PEBP4: variants seen among roughly 807,000 people sequenced by gnomAD.
PEBP4 encodes the protein phosphatidylethanolamine-binding protein 4.
A neutral mutation model predicts 23.9 loss-of-function variants in PEBP4; 22 were observed. The observed-to-expected ratio is 0.92, with a 90% CI of 0.66 to 1.31. The LOEUF (loss-of-function observed/expected upper bound fraction) is 1.31. PEBP4 is among the 40% of genes most tolerant of loss of function. The pLI is 0.00. For synonymous variants in PEBP4, 112 were observed against 99.3 expected, an observed-to-expected ratio of 1.13 and a Z score of -0.76; for missense variants, 324 against 281.7, an observed-to-expected ratio of 1.15 and a Z score of -1.07.
chr8:22,917,199 G>T (rs981970933), intron 3 of PEBP4, among the ~76,000 whole-genome samples: 4 of 152,042 alleles, frequency 2.6e-5, no homozygotes, highest in Admixed American at 6.6e-5. Flanking sequence ...CACCTTGGAA[G>T]CAATGCACCA....
chr8:22,743,838 A>C (rs751792923), intron 4 of PEBP4, among the ~76,000 whole-genome samples: 1 of 152,154 alleles, frequency 6.6e-6, no homozygotes, highest in Admixed American at 6.5e-5. Context: ...TGCAATTCCA[A>C]CACCTGAGCA....
Position 22,764,546 on chromosome 8 carries a change from TTTA to T in PEBP4, c.358-37329_358-37327del, listed in dbSNP as rs1445575353. Among the ~76,000 whole-genome samples, 17 of 152,308 alleles carry T rather than the reference TTTA, an allele frequency of 1.1e-4. No homozygotes were observed. The South Asian group carries it at 1.2e-3, about 11-fold the overall frequency. ...CCCAATGCCCTGTGCTTTGAAGGCC[TTTA>T]TGTATATATATATTATAATAGTGTT... On this transcript the variant is annotated intron_variant, in intron 4 of 6. Transcript: ENST00000256404.
At chr8:22,754,546 C>T (rs575880049) in intron 4 of PEBP4, among the ~76,000 whole-genome samples, 1 of 152,190 alleles carries the variant, frequency 6.6e-6, no homozygotes, top group Non-Finnish European at 1.5e-5. Flanking sequence ...GCCAGCAGGC[C>T]TGGAAGTGAG....
intron 4 of PEBP4, among the ~76,000 whole-genome samples, chr8:22,807,411 T>C (rs1239059953): frequency 6.6e-6 from 1 of 152,146 alleles, no homozygotes; most frequent in Non-Finnish European, 1.5e-5. Flanking sequence ...ACTGCAGTTC[T>C]TCAAGTAGGA....
intron 4 of PEBP4, among the ~76,000 whole-genome samples, chr8:22,809,308 G>A (rs778040229): frequency 3.3e-5 from 5 of 152,134 alleles, no homozygotes; most frequent in South Asian, 2.1e-4. Context: ...AATCTCCTGC[G>A]TCCACACTGC....
At chr8:22,876,717 A>G (rs1330065435) in intron 3 of PEBP4, among the ~76,000 whole-genome samples, 2 of 152,260 alleles carry the variant, frequency 1.3e-5, no homozygotes, top group Non-Finnish European at 2.9e-5. Flanking sequence ...AGAAGTAAAT[A>G]AATGAGTTAG....
intron 3 of PEBP4, among the ~76,000 whole-genome samples, chr8:22,918,460 T>C (rs930551128): frequency 6.6e-6 from 1 of 152,124 alleles, no homozygotes; most frequent in Admixed American, 6.5e-5. Flanking sequence ...GTCGTCTTTG[T>C]GTAATGTGCT....
At chr8:22,884,626 G>T (rs1808335720) in intron 3 of PEBP4, 1 of 152,184 alleles carries the variant, frequency 6.6e-6, no homozygotes, top group South Asian at 2.1e-4. Flanking sequence ...TCTTCCAAAG[G>T]CAGCATCCAC....
intron 4 of PEBP4, among the ~76,000 whole-genome samples, chr8:22,749,070 C>T (rs1805190524): frequency 6.6e-6 from 1 of 152,106 alleles, no homozygotes; most frequent in African/African-American, 2.4e-5. Context: ...GATGTGGGAA[C>T]AGGAGGGGTG....
At chr8:22,730,625 G>T (rs1804710183) in intron 4 of PEBP4, among the ~76,000 whole-genome samples, 1 of 152,212 alleles carries the variant, frequency 6.6e-6, no homozygotes, top group Admixed American at 6.5e-5. Flanking sequence ...ATTCAAGGAA[G>T]TTTCAGGAGG....
intron 2 of PEBP4, among the ~76,000 whole-genome samples, chr8:22,927,216 T>C (rs1809358766): frequency 6.6e-6 from 1 of 152,054 alleles, no homozygotes; most frequent in African/African-American, 2.4e-5. Context: ...TTTGTTGGGG[T>C]TCTGGGGAGA....
chr8:22,895,594 T>C (rs1808573699), intron 3 of PEBP4: 1 of 150,554 alleles, frequency 6.6e-6, no homozygotes, highest in Admixed American at 6.6e-5. Flanking sequence ...TAACAAGTTC[T>C]TGGTCATTAT....
rs908440816 is a variant in PEBP4, at chr8:22,904,911, C to T, written c.258+15273G>A. 9.2e-5 allele frequency among the ~76,000 whole-genome samples: 14 copies of T among 152,136 alleles called. 1 individual carries two copies. The highest frequency in any genetic ancestry group is 7.2e-4 in the Admixed American group (11 of 15,282). On this transcript the variant is annotated intron_variant, in intron 3 of 6. Transcript: ENST00000256404. ...TTTAAGACGATTTTCTTTTCTTTCC[C>T]GCTATTTTAAATAATACTACAATGA...
At chr8:22,747,336 G>A (rs1805143664) in intron 4 of PEBP4, among the ~76,000 whole-genome samples, 2 of 152,174 alleles carry the variant, frequency 1.3e-5, no homozygotes, top group Non-Finnish European at 2.9e-5. Context: ...GTGCCACTGT[G>A]TAGATCCAGG....
intron 3 of PEBP4, among the ~76,000 whole-genome samples, chr8:22,855,354 G>C (rs893349273): frequency 1.3e-5 from 2 of 152,148 alleles, no homozygotes; most frequent in Non-Finnish European, 2.9e-5. Flanking sequence ...GTAAAGATCT[G>C]AACAAAAAGT....
At chr8:22,898,545 CTCAA>C (rs1309680288) in intron 3 of PEBP4, among the ~76,000 whole-genome samples, 1 of 151,778 alleles carries the variant, frequency 6.6e-6, no homozygotes, top group Non-Finnish European at 1.5e-5. Flanking sequence ...TACTCAGGTT[CTCAA>C]TCAAAGTGCT....
At chr8:22,924,467 C>G (rs1809280944) in intron 2 of PEBP4, among the ~76,000 whole-genome samples, 1 of 152,110 alleles carries the variant, frequency 6.6e-6, no homozygotes, top group South Asian at 2.1e-4. Context: ...AGGGGCAGGG[C>G]AGGGCATGGC....
At chr8:22,801,426 G>A (rs187155384) in intron 4 of PEBP4, among the ~76,000 whole-genome samples, 9 of 152,298 alleles carry the variant, frequency 5.9e-5, no homozygotes, top group Admixed American at 2.0e-4. Flanking sequence ...GGAGCAAAGA[G>A]GTCCCTGCTT....
chr8:22,724,944 G>A lies in PEBP4; in HGVS notation c.416C>T (p.Pro139Leu). 1.2e-6 allele frequency: 2 copies of A among 1,613,796 alleles called. No individual in the cohort carries two copies. Among genetic ancestry groups the A allele is most frequent in the Non-Finnish European group, 1.7e-6 (2 of 1,179,770 alleles). The part of the protein sequence containing the change: ...QGQELSAYQA[P>L]SPPAHSGFHR... ...GAAGCCACTGTGTGCCGGTGGGGAG[G>A]GAGCCTGGTAGGCTATAGGTAGAAG... The change falls in exon 6 of 7, where the codon CCC becomes CTC. Residue 139 changes from proline to leucine, a missense_variant. Physicochemically the swap from Pro to Leu is moderately conservative, Grantham distance 98 (BLOSUM62 -3). Coordinates refer to ENST00000256404, the MANE Select transcript of PEBP4 (RefSeq NM_144962.3).
Sources: allele counts gnomAD v4.1 joint callset (sites outside exome capture counted in the v4.1 genomes callset), GRCh38; gene constraint gnomAD v4.1.1; transcripts MANE v1.5; gene names NCBI Gene and HGNC (gene_info 2026-07-23, HGNC 2026-07-21).